Variants in FREM2 observed in about 807,000 individuals in gnomAD.
FREM2 encodes FRAS1 related extracellular matrix 2, also known as FRAS1-related extracellular matrix protein 2.
In FREM2, 119 loss-of-function variants were observed where a neutral mutation model predicts 219.9. The observed-to-expected ratio is 0.54, with a 90% CI of 0.47 to 0.63. The LOEUF (loss-of-function observed/expected upper bound fraction) is 0.63. Among genes scored for constraint, FREM2 ranks in the 30% least tolerant of loss-of-function variants. The pLI is 0.00. For synonymous variants in FREM2, 1,562 were observed against 1,522.8 expected (o/e 1.03, Z -0.60); for missense variants, 4,030 against 3,993.6 (o/e 1.01, Z -0.25).
rs774469882 is a variant in FREM2 at position 38,881,915 on chromosome 13, C to T, written c.*1128C>T. ...CTTTCTATCCAGCATCTGGTCCAAA[C>T]GATGGGACTCTCTGCAACTATCATT... On this transcript the variant is annotated 3_prime_UTR_variant, in exon 24 of 24. Transcript: ENST00000280481. The T allele has an allele frequency of 7.9e-5, 12 of 152,088 alleles. No individual in the cohort carries two copies. Among genetic ancestry groups the T allele is most frequent in the Non-Finnish European group, 1.5e-4 (10 of 68,014 alleles). 9.4% of individuals were successfully genotyped at this position (152,088 alleles called of 1,614,324 possible). A position where few individuals can be genotyped will look rare whatever the true frequency, so the allele number is the denominator to read the frequency against.
At chr13:38,802,380 G>A (rs138709264) in intron 6 of FREM2, among the ~76,000 whole-genome samples, 1 of 152,166 alleles carries the variant, frequency 6.6e-6, no homozygotes, top group African/African-American at 2.4e-5. Flanking sequence ...TGGCCCAGCA[G>A]CAGCAGTGGC....
intron 2 of FREM2, among the ~76,000 whole-genome samples, chr13:38,704,949 C>A (rs1282981149): frequency 1.3e-5 from 2 of 152,154 alleles, no homozygotes; most frequent in Non-Finnish European, 2.9e-5. Context: ...GGGGAACCGC[C>A]ACCATGATCC....
At chr13:38,727,420 A>C (rs373005191) in intron 2 of FREM2, among the ~76,000 whole-genome samples, 11 of 152,348 alleles carry the variant, frequency 7.2e-5, no homozygotes, top group African/African-American at 2.6e-4. Context: ...TGGAGTTTGC[A>C]GTGAGCTGAG....
chr13:38,846,788 A>G (rs1157331397), intron 7 of FREM2, 66 bp downstream of exon 7: 1 of 1,550,058 alleles, frequency 6.5e-7, no homozygotes, highest in Non-Finnish European at 8.9e-7. Flanking sequence ...GCACAAATTT[A>G]TTTAAAGCTG....
intron 6 of FREM2, among the ~76,000 whole-genome samples, chr13:38,814,730 C>T (rs1325043418): frequency 6.6e-6 from 1 of 152,184 alleles, no homozygotes; most frequent in Non-Finnish European, 1.5e-5. Flanking sequence ...ACTTTAGCAA[C>T]TTACCTGATG....
At chr13:38,846,894 G>T (rs1049766186) in intron 7 of FREM2, among the ~76,000 whole-genome samples, 172 bp downstream of exon 7, 2 of 152,064 alleles carry the variant, frequency 1.3e-5, no homozygotes, top group African/African-American at 4.8e-5. Flanking sequence ...TTACTACTTT[G>T]GGAAAGTACA....
chr13:38,858,045 A>G lies in FREM2; in HGVS notation c.7215+12A>G, dbSNP rs1388782339. Reference sequence around the variant, plus strand: ...TCATCTGTATCACAGTGAGTAGGAGATTCACAAAATTGAGGAAAATTGTAA... The same window carrying G: ...TCATCTGTATCACAGTGAGTAGGAGGTTCACAAAATTGAGGAAAATTGTAA... On this transcript the variant is annotated intron_variant, in intron 13 of 23. Transcript: ENST00000280481. The G allele has an allele frequency of 6.2e-7, 1 of 1,608,586 alleles. No individual in the cohort carries two copies. The highest frequency in any genetic ancestry group is 8.5e-7 in the Non-Finnish European group (1 of 1,175,168).
At chr13:38,712,320 T>G (rs1436793599) in intron 2 of FREM2, among the ~76,000 whole-genome samples, 1 of 152,226 alleles carries the variant, frequency 6.6e-6, no homozygotes, top group Non-Finnish European at 1.5e-5. Flanking sequence ...GGTAGTTGCT[T>G]AATTCATAGT....
chr13:38,741,993 T>G (rs1872268476), intron 2 of FREM2, among the ~76,000 whole-genome samples: 1 of 152,156 alleles, frequency 6.6e-6, no homozygotes, highest in Admixed American at 6.6e-5. Flanking sequence ...ACACTATGAG[T>G]AAACAACGGA....
chr13:38,725,134 A>C (rs573218557), intron 2 of FREM2, among the ~76,000 whole-genome samples: 2 of 152,318 alleles, frequency 1.3e-5, no homozygotes, highest in South Asian at 4.1e-4. Flanking sequence ...ATAGCCTGTA[A>C]TCTATATGTG....
intron 2 of FREM2, among the ~76,000 whole-genome samples, chr13:38,699,336 T>C (rs1242114963): frequency 6.6e-6 from 1 of 152,214 alleles, no homozygotes; most frequent in Non-Finnish European, 1.5e-5. Context: ...ACACACATTA[T>C]TTTACCTTAC....
chr13:38,808,176 A>T (rs938760476), intron 6 of FREM2, among the ~76,000 whole-genome samples: 6 of 151,964 alleles, frequency 3.9e-5, no homozygotes, highest in South Asian at 4.2e-4. Flanking sequence ...TTTCTTCTGA[A>T]GCTTCCTCGC....
chr13:38,744,203 C>CTTTTTTTT (rs11308232), intron 2 of FREM2, among the ~76,000 whole-genome samples: 1 of 51,712 alleles, frequency 1.9e-5, no homozygotes. Flanking sequence ...GAGGTAAATC[C>CTTTTTTTT]TTTTTTTTTT....
At chr13:38,831,029 A>G (rs1178204850) in intron 6 of FREM2, among the ~76,000 whole-genome samples, 2 of 152,156 alleles carry the variant, frequency 1.3e-5, no homozygotes, top group South Asian at 2.1e-4. Flanking sequence ...TACTTGCAGT[A>G]TAGATCTGTG....
At chr13:38,795,326 A>AC (rs542528447) in intron 6 of FREM2, among the ~76,000 whole-genome samples, 1 of 147,606 alleles carries the variant, frequency 6.8e-6, no homozygotes, top group African/African-American at 2.5e-5. Flanking sequence ...TTTCCAACAT[A>AC]TTTTTTTTTT....
intron 5 of FREM2, 134 bp downstream of exon 5, chr13:38,783,329 T>G (rs1593405271): frequency 2.1e-6 from 2 of 967,860 alleles, no homozygotes; most frequent in East Asian, 5.0e-5. Context: ...AAAGGATTTA[T>G]TTAGAAGTCT....
chr13:38,831,716 C>T (rs989014421), intron 6 of FREM2, among the ~76,000 whole-genome samples: 1 of 150,308 alleles, frequency 6.7e-6, no homozygotes, highest in Non-Finnish European at 1.5e-5. Flanking sequence ...TTCAAGCAAT[C>T]CTCCTGCCTC....
At chr13:38,755,157 C>G (rs1467491024) in intron 2 of FREM2, among the ~76,000 whole-genome samples, 2 of 152,022 alleles carry the variant, frequency 1.3e-5, no homozygotes, top group East Asian at 3.9e-4. Flanking sequence ...TGCCTCGGCC[C>G]CCCAAAGTGC....
At chr13:38,700,567 C>T (rs916095302) in intron 2 of FREM2, among the ~76,000 whole-genome samples, 3 of 151,972 alleles carry the variant, frequency 2.0e-5, no homozygotes, top group Middle Eastern at 3.4e-3. Flanking sequence ...GTTTCTTATG[C>T]GATTTTACCT....
Sources: gnomAD v4.1 joint callset for allele counts (sites outside exome capture counted in the v4.1 genomes callset) on GRCh38, gnomAD v4.1.1 for gene constraint, MANE v1.5 for transcripts, NCBI Gene and HGNC (gene_info 2026-07-23, HGNC 2026-07-21) for gene names.